Variants in MAPT observed in about 807,000 individuals in gnomAD.
MAPT encodes the protein microtubule associated protein tau.
A neutral mutation model predicts 67.9 loss-of-function variants in MAPT; 34 were observed. The ratio of observed to expected loss-of-function variants is 0.50; its 90% CI spans 0.38 to 0.67. The LOEUF (loss-of-function observed/expected upper bound fraction) is 0.67, where lower values mean the gene tolerates loss of function less well. Ranked by LOEUF, MAPT falls within the 30% of genes least tolerant of loss-of-function variation. The probability of loss-of-function intolerance (pLI) is 0.00; values close to 1 mark genes in which losing one functional copy is unlikely to be tolerated. For missense variants in MAPT, 881 were observed against 1,115.2 expected (o/e 0.79, Z 2.99); for synonymous variants, 456 against 464.5 (o/e 0.98, Z 0.23).
chr17:45,974,661 G>A, intron 3 of MAPT: 2 of 598,190 alleles, frequency 3.3e-6, no homozygotes, highest in African/African-American at 1.9e-5. Context: ...CTCCCTGGCT[G>A]CCTGCCAGCC....
intron 12 of MAPT, among the ~76,000 whole-genome samples, chr17:46,021,227 G>GAGAGCTCTCGGGT (rs2076506934): frequency 6.6e-6 from 1 of 152,240 alleles, no homozygotes; most frequent in Non-Finnish European, 1.5e-5. Context: ...GTAGCTGGCC[G>GAGAGCTCTCGGGT]AGAGCTCTCG....
chr17:46,026,539 C>A lies in MAPT; in HGVS notation c.*2368C>A, dbSNP rs1176899906. The A allele has an allele frequency of 1.3e-5, 2 of 151,256 alleles. No individual in the cohort carries two copies. Among genetic ancestry groups the A allele is most frequent in the Non-Finnish European group, 3.0e-5 (2 of 67,506 alleles). 9.4% of individuals were successfully genotyped at this position (151,256 alleles called of 1,614,324 possible). A position where few individuals can be genotyped will look rare whatever the true frequency, so the allele number is the denominator to read the frequency against. On this transcript the variant is annotated 3_prime_UTR_variant, in exon 13 of 13. Transcript: ENST00000262410. Reference sequence around the variant, plus strand: ...GCCAGCTGGGGGGATCTGCAGCTCCCAGAAGCTCCGTGAGCCTCAGCCACC... The same window carrying A: ...GCCAGCTGGGGGGATCTGCAGCTCCAAGAAGCTCCGTGAGCCTCAGCCACC...
chr17:45,991,924 A>G (rs917356799), intron 8 of MAPT, among the ~76,000 whole-genome samples: 1 of 151,952 alleles, frequency 6.6e-6, no homozygotes, highest in East Asian at 1.9e-4. Flanking sequence ...AGCTGGGATT[A>G]CAGGCACCTG....
chr17:45,899,982 A>C (rs2063511563), intron 1 of MAPT, among the ~76,000 whole-genome samples: 1 of 152,142 alleles, frequency 6.6e-6, no homozygotes, highest in South Asian at 2.1e-4. Context: ...AGTGTGGCCA[A>C]GGTCAAGTCT....
At chr17:45,989,523 C>T (rs1366928833) in intron 6 of MAPT, among the ~76,000 whole-genome samples, 2 of 152,010 alleles carry the variant, frequency 1.3e-5, no homozygotes, top group Admixed American at 6.6e-5. Flanking sequence ...TGGTGGTGGG[C>T]GCCTGTAGTC....
At position 45,995,878 on chromosome 17, in the gene MAPT, G is replaced by T. The variant is rs755224256; in HGVS notation, c.1733-521G>T. 6.6e-6 allele frequency among the ~76,000 whole-genome samples: 1 copy of T among 152,210 alleles called. No individual in the cohort carries two copies. The highest frequency in any genetic ancestry group is 1.5e-5 in the Non-Finnish European group (1 of 68,040). On this transcript the variant is annotated intron_variant, in intron 8 of 12. Transcript: ENST00000262410. The surrounding 1 kb of genome is among the most constrained non-coding windows in gnomAD (Gnocchi z 4.3). Reference sequence around the variant, plus strand: ...ACCCTGTGGGGAAAGGGTCAGAAGCGTCCAGGCTTGAGGGCACAGCTGGGT... The same window carrying T: ...ACCCTGTGGGGAAAGGGTCAGAAGCTTCCAGGCTTGAGGGCACAGCTGGGT...
At chr17:45,930,944 T>G (rs2066799360) in intron 1 of MAPT, among the ~76,000 whole-genome samples, 1 of 152,196 alleles carries the variant, frequency 6.6e-6, no homozygotes, top group Admixed American at 6.5e-5. Flanking sequence ...CCATCTTCTG[T>G]GGGTCCTGCC....
chr17:45,983,669 G>A lies in MAPT; in HGVS notation c.1090G>A (p.Val364Ile), dbSNP rs971560354. 9 of 1,613,996 alleles carry A rather than the reference G, an allele frequency of 5.6e-6. No homozygotes were observed. In the Admixed American group the frequency reaches 1.2e-4, roughly 21 times the overall value. Residue 364 changes from valine to isoleucine, a missense_variant, in exon 5 of 13, where the codon GTA (valine) becomes ATA (isoleucine). Val to Ile is a conservative substitution (Grantham distance 29). Transcript: ENST00000262410. ...IPASEPDGPS[V>I]GRAKGQDAPL... ...AGCCTCAGAGCCCGACGGGCCCAGT[G>A]TAGGGCGGGCCAAAGGGCAGGATGC...
Position 45,995,426 on chromosome 17 carries a change from C to T in MAPT, c.1733-973C>T, listed in dbSNP as rs2145818409. ...AGAAATTTGCATTTTGCAACTCCCACTTTCCTCCTTGAAAGCTCCGGAGAT... is the reference window on the plus strand; with the variant it reads ...AGAAATTTGCATTTTGCAACTCCCATTTTCCTCCTTGAAAGCTCCGGAGAT... On this transcript the variant is annotated intron_variant, in intron 8 of 12. Transcript: ENST00000262410. This position sits in a 1 kb window ranked among gnomAD's most constrained non-coding sequence, Gnocchi z 4.3. Among the ~76,000 whole-genome samples the T allele has an allele frequency of 6.6e-6, 1 of 152,372 alleles. No individual in the cohort carries two copies. Among genetic ancestry groups the T allele is most frequent in the Non-Finnish European group, 1.5e-5 (1 of 68,040 alleles).
chr17:46,014,087 C>A (rs2075999673), intron 10 of MAPT, among the ~76,000 whole-genome samples, 156 bp from the exon 11 acceptor site: 1 of 152,206 alleles, frequency 6.6e-6, no homozygotes, highest in African/African-American at 2.4e-5. Context: ...CTCCTCATGG[C>A]AGCTGGGAAC....
chr17:45,944,314 G>C (rs1327449113), intron 1 of MAPT, among the ~76,000 whole-genome samples: 1 of 152,202 alleles, frequency 6.6e-6, no homozygotes, highest in Non-Finnish European at 1.5e-5. Context: ...AATCCATGGA[G>C]GGAGCTGAGC....
At position 46,010,346 on chromosome 17, in the gene MAPT, G is replaced by C. The variant is rs149280278; in HGVS notation, c.2035G>C (p.Val679Leu). The C allele has an allele frequency of 6.3e-7, 1 of 1,581,954 alleles. No individual in the cohort carries two copies. Among genetic ancestry groups the C allele is most frequent in the Non-Finnish European group, 8.6e-7 (1 of 1,163,088 alleles). The change falls in exon 10 of 13, where the codon GTC (valine) becomes CTC (leucine). Residue 679 changes from valine (V) to leucine (L), a missense_variant. Transcript: ENST00000262410. This position sits in a 1 kb window ranked among gnomAD's most constrained non-coding sequence, Gnocchi z 4.7. ...IINKKLDLSN[V>L]QSKCGSKDNI... ...TAATAAGAAGCTGGATCTTAGCAAC[G>C]TCCAGTCCAAGTGTGGCTCAAAGGA...
chr17:45,908,351 A>G (rs964836306), intron 1 of MAPT: 3 of 152,280 alleles, frequency 2.0e-5, no homozygotes, highest in Non-Finnish European at 2.9e-5. Flanking sequence ...AGGTAAGCCC[A>G]GGGAAGATGA....
intron 1 of MAPT, among the ~76,000 whole-genome samples, chr17:45,944,489 C>T (rs1462936317): frequency 6.6e-6 from 1 of 152,182 alleles, no homozygotes; most frequent in African/African-American, 2.4e-5. Flanking sequence ...GGGATAGATG[C>T]GCAAGTGGCA....
chr17:46,010,427 C>T lies in MAPT; in HGVS notation c.2091+25C>T, dbSNP rs63750117. ...TGTGAGTACCTTCACACGTCCCATG[C>T]GCCGTGCTGTGGCTTGAATTATTAG... On this transcript the variant is annotated intron_variant, in intron 10 of 12. Transcript: ENST00000262410. This position sits in a 1 kb window ranked among gnomAD's most constrained non-coding sequence, Gnocchi z 4.7. The T allele has an allele frequency of 8.5e-5, 126 of 1,485,456 alleles. No individual in the cohort carries two copies. The highest frequency in any genetic ancestry group is 4.7e-4 in the South Asian group (39 of 83,058). 92.0% of individuals were successfully genotyped at this position (1,485,456 alleles called of 1,614,324 possible). A position where few individuals can be genotyped will look rare whatever the true frequency, so the allele number is the denominator to read the frequency against.
chr17:45,951,485 GTCT>G (rs1185205480), intron 1 of MAPT, among the ~76,000 whole-genome samples: 3 of 152,026 alleles, frequency 2.0e-5, no homozygotes, highest in Non-Finnish European at 2.9e-5. Flanking sequence ...GCCCTCCGAC[GTCT>G]TCTTCTTTTA....
chr17:45,982,159 TA>T (rs1346651298), intron 4 of MAPT, among the ~76,000 whole-genome samples: 1 of 151,436 alleles, frequency 6.6e-6, no homozygotes, highest in Non-Finnish European at 1.5e-5. Flanking sequence ...CCGTTTCTAC[TA>T]AAAATACAAA....
rs552253316 is a variant in MAPT, at chr17:46,002,331, G to T, written c.1998+5667G>T. Among the ~76,000 whole-genome samples, 48 of 152,298 alleles carry T rather than the reference G, an allele frequency of 3.2e-4. No homozygotes were observed. In the East Asian group the frequency reaches 8.9e-3, roughly 28 times the overall value. ...CCAGCCTCAGCAGCCCTTCTTGGGG[G>T]GTCGCTGGGAAACATAGAGGAGAAC... On this transcript the variant is annotated intron_variant, in intron 9 of 12. Coordinates refer to ENST00000262410, the MANE Select transcript of MAPT (RefSeq NM_001377265.1).
At position 45,983,180 on chromosome 17, in the gene MAPT, C is replaced by T. The variant is rs776821664; in HGVS notation, c.601C>T (p.Pro201Ser). 5.1e-5 allele frequency: 82 copies of T among 1,608,128 alleles called. No individual in the cohort carries two copies. The highest frequency in any genetic ancestry group is 6.5e-5 in the Non-Finnish European group (77 of 1,177,640). The change falls in exon 5 of 13, where the codon CCT (proline) becomes TCT (serine). Residue 201 changes from proline to serine, a missense_variant. This residue lies in a region of MAPT where 687 missense variants were observed against 766.1 expected (regional missense o/e 0.90). Coordinates refer to ENST00000262410, the MANE Select transcript of MAPT (RefSeq NM_001377265.1). ...CACCACTGCGTATCTCCACACAGAG[C>T]CTGAAAGTGGTAAGGTGGTCCAGGA... is the stretch of plus-strand genomic sequence containing the variant. ...PATTAYLHTEPESGKVVQEGF... is the reference protein window; with the variant it reads ...PATTAYLHTESESGKVVQEGF...
Sources: gnomAD v4.1 joint callset for allele counts (sites outside exome capture counted in the v4.1 genomes callset) on GRCh38, gnomAD v4.1.1 for gene constraint, gnomAD v4.1.1 regional missense constraint, Gnocchi (gnomAD v3.1) non-coding constraint, MANE v1.5 for transcripts, NCBI Gene and HGNC (gene_info 2026-07-23, HGNC 2026-07-21) for gene names.